The following IGF1R variants were observed in gnomAD, a reference collection of about 807,000 sequenced individuals.
The protein encoded by IGF1R is insulin like growth factor 1 receptor.
In IGF1R, 44 loss-of-function variants were observed where a neutral mutation model predicts 144.6. The observed-to-expected ratio is 0.30, with a 90% CI of 0.24 to 0.39. The LOEUF (loss-of-function observed/expected upper bound fraction) is 0.39, where lower values mean the gene tolerates loss of function less well. IGF1R is among the 10% of genes least tolerant of loss of function. The probability of loss-of-function intolerance (pLI) is 1.00; values close to 1 mark genes in which losing one functional copy is unlikely to be tolerated. For synonymous variants in IGF1R, 795 were observed against 722.8 expected, an observed-to-expected ratio of 1.10 and a Z score of -1.60; for missense variants, 1,355 against 1,833.7, an observed-to-expected ratio of 0.74 and a Z score of 4.77.
chr15:98,693,716 G>C (rs1410659970), intron 1 of IGF1R, among the ~76,000 whole-genome samples: 1 of 152,122 alleles, frequency 6.6e-6, no homozygotes, highest in African/African-American at 2.4e-5. Context: ...AGTGATTCTT[G>C]TGCTTCAGCC....
intron 20 of IGF1R, among the ~76,000 whole-genome samples, chr15:98,956,055 A>G (rs1037059167): frequency 6.6e-6 from 1 of 152,208 alleles, no homozygotes; most frequent in African/African-American, 2.4e-5. Context: ...TTGCCCCAAA[A>G]GTCTGTTTAG....
rs757705540 is a variant in IGF1R at position 98,649,650 on chromosome 15, C to T, written c.69C>T (p.Leu23=). Residue 23 remains leucine, a synonymous_variant, in exon 1 of 21, where the codon CTC becomes CTT. Transcript: ENST00000650285. ...GGCTCCTGTTTCTCTCCGCCGCGCTCTCGCTCTGGCCGACGAGTGGAGAAA... is the reference window on the plus strand; with the variant it reads ...GGCTCCTGTTTCTCTCCGCCGCGCTTTCGCTCTGGCCGACGAGTGGAGAAA... ...LWGLLFLSAA[L]SLWPTSGEIC... is the part of the protein sequence containing the mutation. 1 of 1,610,352 alleles carries T rather than the reference C, an allele frequency of 6.2e-7. No individual in the cohort carries two copies. The highest frequency in any genetic ancestry group is 8.5e-7 in the Non-Finnish European group (1 of 1,178,790).
At chr15:98,670,841 A>G (rs891709899) in intron 1 of IGF1R, among the ~76,000 whole-genome samples, 1 of 152,144 alleles carries the variant, frequency 6.6e-6, no homozygotes, top group African/African-American at 2.4e-5. Context: ...ATCAACATAC[A>G]TTTTTAAACC....
intron 2 of IGF1R, among the ~76,000 whole-genome samples, chr15:98,802,917 G>A (rs1156372567): frequency 6.6e-6 from 1 of 152,150 alleles, no homozygotes; most frequent in Non-Finnish European, 1.5e-5. Context: ...ATGTTCTACT[G>A]GTAATTGTTT....
chr15:98,679,999 G>A (rs755199790), intron 1 of IGF1R, among the ~76,000 whole-genome samples: 1 of 151,770 alleles, frequency 6.6e-6, no homozygotes, highest in African/African-American at 2.4e-5. Context: ...AGAATATAAA[G>A]AAAATATATA....
rs543853218 is a variant in IGF1R at position 98,911,354 on chromosome 15, C to T, written c.1502C>T (p.Ser501Leu). Residue 501 changes from serine to leucine, a missense_variant, in exon 7 of 21, where the codon TCG becomes TTG. By Grantham distance (145) the Ser-to-Leu change is moderately radical. This residue lies in a region of IGF1R where 880 missense variants were observed against 1,202.7 expected (regional missense o/e 0.73). Coordinates refer to ENST00000650285, the MANE Select transcript of IGF1R (RefSeq NM_000875.5). Reference protein sequence around the residue: ...DVLHFTSTTTSKNRIIITWHR... With the variant: ...DVLHFTSTTTLKNRIIITWHR... Reference sequence around the variant, plus strand: ...CTGCATTTCACCTCCACCACCACGTCGAAGAATCGCATCATCATAACCTGG... The same window carrying T: ...CTGCATTTCACCTCCACCACCACGTTGAAGAATCGCATCATCATAACCTGG... 301 of 1,614,140 alleles carry T rather than the reference C, an allele frequency of 1.9e-4. 1 individual carries two copies. The South Asian group carries it at 2.4e-3, about 13-fold the overall frequency.
intron 2 of IGF1R, among the ~76,000 whole-genome samples, chr15:98,847,045 C>T (rs989425248): frequency 1.8e-4 from 28 of 152,108 alleles, no homozygotes; most frequent in Non-Finnish European, 2.1e-4. Context: ...AGCATGATCT[C>T]GGCTCACTGC....
In IGF1R at chr15:98,896,923, C is replaced by T. The variant is rs1391400769; in HGVS notation, c.1102+18C>T. On this transcript the variant is annotated intron_variant, in intron 4 of 20. Transcript: ENST00000650285. ...ACGGGGGAGTAAGTATTCCATCCCC[C>T]TGGAAAAACGGCTAGATCTCATGGT... 2.5e-6 allele frequency: 4 copies of T among 1,613,222 alleles called. No homozygotes were observed. Among genetic ancestry groups the T allele is most frequent in the Non-Finnish European group, 2.5e-6 (3 of 1,179,646 alleles).
chr15:98,779,708 T>TC (rs1298830798), intron 2 of IGF1R, among the ~76,000 whole-genome samples: 1 of 152,160 alleles, frequency 6.6e-6, no homozygotes, highest in East Asian at 1.9e-4. Context: ...CTCGAGCCTC[T>TC]CCCTGGAGGA....
At chr15:98,840,661 TTTTG>T (rs1421256147) in intron 2 of IGF1R, among the ~76,000 whole-genome samples, 1 of 146,744 alleles carries the variant, frequency 6.8e-6, no homozygotes, top group Non-Finnish European at 1.5e-5. Flanking sequence ...CAGGCGGGGT[TTTTG>T]TTTTTTGTTT....
intron 1 of IGF1R, among the ~76,000 whole-genome samples, chr15:98,681,623 A>C (rs2141214752): frequency 6.6e-6 from 1 of 152,258 alleles, no homozygotes; most frequent in East Asian, 1.9e-4. Context: ...GTTGGTTGCC[A>C]TCCCTGTCGG....
chr15:98,842,897 G>T (rs1301642430), intron 2 of IGF1R, among the ~76,000 whole-genome samples: 2 of 152,192 alleles, frequency 1.3e-5, no homozygotes, highest in African/African-American at 4.8e-5. Context: ...GTCTGGGGGT[G>T]AGCGTTTGTA....
At chr15:98,695,077 T>C (rs1307963098) in intron 1 of IGF1R, among the ~76,000 whole-genome samples, 1 of 152,230 alleles carries the variant, frequency 6.6e-6, no homozygotes, top group Non-Finnish European at 1.5e-5. Context: ...TTATTTTTTT[T>C]CCTGCCTCTA....
chr15:98,710,375 G>C (rs1290850125), intron 2 of IGF1R, among the ~76,000 whole-genome samples: 1 of 152,126 alleles, frequency 6.6e-6, no homozygotes, highest in Non-Finnish European at 1.5e-5. Context: ...AGTTGAATCA[G>C]AACTTCCTCT....
rs2017339370 is a variant in IGF1R at position 98,964,240 on chromosome 15, A to G, written c.*6798A>G. On this transcript the variant is annotated 3_prime_UTR_variant, in exon 21 of 21. Transcript: ENST00000650285. ...TTTTTAAGTAAGAAAAAAAAAGGTA[A>G]TAACATGGCCAATTTGTTACATAAA... The G allele has an allele frequency of 4.3e-6, 1 of 232,732 alleles. No homozygotes were observed. The highest frequency in any genetic ancestry group is 1.8e-4 in the South Asian group (1 of 5,532). The allele number at this position is 232,732 out of a possible 1,614,324, so 14.4% of individuals were successfully genotyped here.
intron 3 of IGF1R, among the ~76,000 whole-genome samples, chr15:98,895,020 CAAA>C (rs368393677): frequency 2.7e-5 from 3 of 112,464 alleles, no homozygotes; most frequent in Admixed American, 8.6e-5. Context: ...GACCCTGTCT[CAAA>C]AAAAAAAAAA....
In IGF1R at chr15:98,935,988, C is replaced by T. The variant is rs2016130704; in HGVS notation, c.3297+562C>T. 6.6e-6 allele frequency among the ~76,000 whole-genome samples: 1 copy of T among 152,188 alleles called. No homozygotes were observed. Among genetic ancestry groups the T allele is most frequent in the African/African-American group, 2.4e-5 (1 of 41,450 alleles). On this transcript the variant is annotated intron_variant, in intron 17 of 20. Transcript: ENST00000650285. The surrounding 1 kb of genome is among the most constrained non-coding windows in gnomAD (Gnocchi z 4.2). The stretch of plus-strand genomic sequence containing the variant: ...ATGTTACAGTTCAAGGTTAAGCTGC[C>T]TGGATTCTTGCCCTTGCATCTGGGA...
intron 2 of IGF1R, among the ~76,000 whole-genome samples, chr15:98,787,680 C>G (rs1420617178): frequency 6.6e-6 from 1 of 152,118 alleles, no homozygotes; most frequent in Non-Finnish European, 1.5e-5. Flanking sequence ...GACCTCTCAC[C>G]ACTTTCTAAC....
chr15:98,771,115 A>G (rs753964097), intron 2 of IGF1R, among the ~76,000 whole-genome samples: 2 of 152,108 alleles, frequency 1.3e-5, no homozygotes, highest in African/African-American at 2.4e-5. Context: ...TTGGAATCTA[A>G]TGGGGTCTTC....
Sources: gnomAD v4.1 joint callset for allele counts (sites outside exome capture counted in the v4.1 genomes callset) on GRCh38, gnomAD v4.1.1 for gene constraint, gnomAD v4.1.1 regional missense constraint, Gnocchi (gnomAD v3.1) non-coding constraint, MANE v1.5 for transcripts, NCBI Gene and HGNC (gene_info 2026-07-23, HGNC 2026-07-21) for gene names.